Variants in POLR3A observed in about 807,000 individuals in gnomAD.
POLR3A encodes the protein DNA-directed RNA polymerase III subunit RPC1.
A neutral mutation model predicts 152.8 loss-of-function variants in POLR3A; 112 were observed. That is an observed-to-expected ratio of 0.73 (90% confidence interval 0.63 to 0.86). The LOEUF is 0.86. POLR3A is among the 40% of genes least tolerant of loss of function. The pLI is 0.00. For synonymous variants in POLR3A, 615 were observed against 652.1 expected, an observed-to-expected ratio of 0.94 and a Z score of 0.87; for missense variants, 1,385 against 1,743.1, an observed-to-expected ratio of 0.79 and a Z score of 3.66.
intron 10 of POLR3A, among the ~76,000 whole-genome samples, chr10:78,015,396 C>T (rs540988846): frequency 1.3e-5 from 2 of 148,344 alleles, no homozygotes; most frequent in Admixed American, 6.7e-5. Flanking sequence ...GGCGCAATCT[C>T]GGCTCACTGC....
intron 19 of POLR3A, among the ~76,000 whole-genome samples, chr10:77,998,765 T>C (rs1338012594): frequency 3.3e-5 from 5 of 152,176 alleles, no homozygotes; most frequent in Non-Finnish European, 7.3e-5. Context: ...GATCTAGAAC[T>C]AGAAATACCA....
intron 10 of POLR3A, among the ~76,000 whole-genome samples, chr10:78,017,066 A>C (rs1331148479): frequency 6.6e-6 from 1 of 152,100 alleles, no homozygotes; most frequent in Non-Finnish European, 1.5e-5. Flanking sequence ...AGCTTACTAA[A>C]AGGAAGCTTG....
chr10:77,998,598 G>A (rs1194702052), intron 19 of POLR3A, among the ~76,000 whole-genome samples: 2 of 152,184 alleles, frequency 1.3e-5, no homozygotes, highest in African/African-American at 4.8e-5. Context: ...AAACTACAAT[G>A]AGATACCGTC....
rs2241548 is a variant in POLR3A, at chr10:77,977,855, A to C, written c.4025-229T>G. On this transcript the variant is annotated intron_variant, in intron 30 of 30. Coordinates refer to ENST00000372371, the MANE Select transcript of POLR3A (RefSeq NM_007055.4). Reference sequence around the variant, plus strand: ...GAAGGGCAGGGCTTGCTCACAGCCCAGGAGCTTGTTGGAGACAGAGTCAGC... The same window carrying C: ...GAAGGGCAGGGCTTGCTCACAGCCCCGGAGCTTGTTGGAGACAGAGTCAGC... 0.14 allele frequency among the ~76,000 whole-genome samples: 20,568 copies of C among 152,126 alleles called. 1,761 individuals are homozygous for C. Among genetic ancestry groups the C allele is most frequent in the East Asian group, 0.27 (1,407 of 5,150 alleles).
intron 20 of POLR3A, among the ~76,000 whole-genome samples, chr10:77,991,403 T>C (rs1221459334): frequency 6.6e-6 from 1 of 152,228 alleles, no homozygotes; most frequent in Non-Finnish European, 1.5e-5. Context: ...TGTTGTCCCA[T>C]CACTTCCCAG....
At chr10:78,009,025 C>T (rs576670119) in intron 14 of POLR3A, among the ~76,000 whole-genome samples, 11 of 151,408 alleles carry the variant, frequency 7.3e-5, no homozygotes, top group Admixed American at 2.6e-4. Flanking sequence ...TGGTGGTGGG[C>T]GCCTGTAATC....
chr10:77,985,641 C>T (rs1377376166), intron 23 of POLR3A, among the ~76,000 whole-genome samples: 1 of 152,218 alleles, frequency 6.6e-6, no homozygotes, highest in Non-Finnish European at 1.5e-5. Context: ...TGATGGCAAA[C>T]AGAGCAGTGG....
At chr10:77,977,649 T>C in intron 30 of POLR3A, 23 bp from the exon 31 acceptor site, 2 of 1,602,548 alleles carry the variant, frequency 1.2e-6, no homozygotes, top group African/African-American at 1.3e-5. Context: ...AGAATGAACA[T>C]CAGAGAGCCT....
At chr10:77,987,723 T>C (rs562819695) in intron 21 of POLR3A, among the ~76,000 whole-genome samples, 134 of 152,252 alleles carry the variant, frequency 8.8e-4, no homozygotes, top group Non-Finnish European at 1.4e-3. Flanking sequence ...TAGCCATTTC[T>C]AGTTACTACC....
At position 78,025,640 on chromosome 10, in the gene POLR3A, T is replaced by G. The variant is rs566145273; in HGVS notation, c.300A>C (p.Ala100=). Residue 100 remains alanine, a synonymous_variant, in exon 3 of 31, where the codon GCA becomes GCC. Coordinates refer to ENST00000372371, the MANE Select transcript of POLR3A (RefSeq NM_007055.4). ...TGCTTACCTGTAAGATGCCTATGAC[T>G]GCTCTGAAGTACCCTACATGAAAAC... is the stretch of plus-strand genomic sequence containing the variant. ...LPCFHVGYFR[A]VIGILQMICK... is the part of the protein sequence containing the mutation. 6.2e-7 allele frequency: 1 copy of G among 1,614,062 alleles called. No individual in the cohort carries two copies. Among genetic ancestry groups the G allele is most frequent in the Admixed American group, 1.7e-5 (1 of 59,990 alleles).
intron 29 of POLR3A, among the ~76,000 whole-genome samples, chr10:77,981,080 TAAGA>T (rs1223648815): frequency 1.3e-5 from 2 of 152,158 alleles, no homozygotes; most frequent in Non-Finnish European, 2.9e-5. Context: ...ATGGGTTTAA[TAAGA>T]AAGAAACACC....
At chr10:78,009,109 C>T (rs1257092411) in intron 14 of POLR3A, among the ~76,000 whole-genome samples, 1 of 137,396 alleles carries the variant, frequency 7.3e-6, no homozygotes, top group African/African-American at 2.8e-5. Context: ...GCTGAGACTG[C>T]ACCACTGCAC....
chr10:78,026,830 C>T (rs1412631474), intron 1 of POLR3A, among the ~76,000 whole-genome samples: 6 of 152,234 alleles, frequency 3.9e-5, no homozygotes, highest in African/African-American at 1.4e-4. Context: ...ACACCTCCTC[C>T]TGGACAGTTC....
chr10:78,010,166 T>C (rs1328201614), intron 12 of POLR3A, among the ~76,000 whole-genome samples, 175 bp from the exon 13 acceptor site: 2 of 152,158 alleles, frequency 1.3e-5, no homozygotes, highest in Non-Finnish European at 2.9e-5. Context: ...CGTGACTTTG[T>C]TTTGTTCACT....
At chr10:77,998,581 G>C (rs1847325416) in intron 19 of POLR3A, among the ~76,000 whole-genome samples, 1 of 152,148 alleles carries the variant, frequency 6.6e-6, no homozygotes, top group Non-Finnish European at 1.5e-5. Flanking sequence ...CAGAGAAACG[G>C]AAATCAAAAC....
In POLR3A at chr10:77,978,163, G is replaced by A. The variant is rs60192539; in HGVS notation, c.4025-537C>T. On this transcript the variant is annotated intron_variant, in intron 30 of 30. Transcript: ENST00000372371. ...AGCCTTCATGATCTACAGCCCTGAT[G>A]AGAAACACCCAGAAGGCAGGGCACC... Among the ~76,000 whole-genome samples, 379 of 152,270 alleles carry A rather than the reference G, an allele frequency of 2.5e-3. 3 individuals carry two copies. The highest frequency in any genetic ancestry group is 0.014 in the East Asian group (74 of 5,176).
rs1480870331 is a variant in POLR3A at position 77,991,078 on chromosome 10, G to T, written c.2877C>A (p.Leu959=). 1.2e-6 allele frequency: 2 copies of T among 1,610,790 alleles called. No individual in the cohort carries two copies. Among genetic ancestry groups the T allele is most frequent in the Non-Finnish European group, 1.7e-6 (2 of 1,176,946 alleles). Residue 959 remains leucine, a synonymous_variant, in exon 21 of 31, where the codon CTC becomes CTA. Coordinates refer to ENST00000372371, the MANE Select transcript of POLR3A (RefSeq NM_007055.4). ...CCTGCAGGAAGCTGTCCTGGCAGCAGAGGAACTCACTCTTCTTCATGATGG... is the reference window on the plus strand; with the variant it reads ...CCTGCAGGAAGCTGTCCTGGCAGCATAGGAACTCACTCTTCTTCATGATGG... The part of the protein sequence containing the change: ...TESIMKKSEF[L]CCQDSFLQEI...
chr10:78,021,941 T>G lies in POLR3A; in HGVS notation c.967A>C (p.Ser323Arg), dbSNP rs1201791292. 3.7e-6 allele frequency: 6 copies of G among 1,614,178 alleles called. No homozygotes were observed. The highest frequency in any genetic ancestry group is 5.1e-6 in the Non-Finnish European group (6 of 1,180,024). The change falls in exon 7 of 31, where the codon AGT becomes CGT. Residue 323 changes from serine (S) to arginine (R), a missense_variant. Ser to Arg is a moderately radical substitution (Grantham distance 110). Transcript: ENST00000372371. ...TTGAGGGGAATGCCCGAGAGCTCAC[T>G]GTTAATGTAGAGGGCACACTGCAGC... ...LQLQCALYIN[S>R]ELSGIPLNMA... is the part of the protein sequence containing the mutation.
chr10:77,999,998 CA>C lies in POLR3A; in HGVS notation c.2598del (p.Glu867LysfsTer22). ...CAGGTTACCTGCATGTATCCCGTTT[CA>C]GCTGTCTTTACAGCCGTGTCGACTA... ...EGLVDTAVKT[A>X]ETGYMQRRLV... On this transcript the variant is annotated frameshift_variant, in exon 19 of 31. Transcript: ENST00000372371. LOFTEE classifies it high-confidence loss of function. 1 of 1,614,190 alleles carries C rather than the reference CA, an allele frequency of 6.2e-7. No individual in the cohort carries two copies. Among genetic ancestry groups the C allele is most frequent in the Non-Finnish European group, 8.5e-7 (1 of 1,180,018 alleles).
Sources: allele counts gnomAD v4.1 joint callset (sites outside exome capture counted in the v4.1 genomes callset), GRCh38; gene constraint gnomAD v4.1.1; transcripts MANE v1.5; gene names NCBI Gene and HGNC (gene_info 2026-07-23, HGNC 2026-07-21).